HPSE2: variants seen among roughly 807,000 people sequenced by gnomAD.
HPSE2 encodes heparanase 2 (inactive).
In HPSE2, 38 loss-of-function variants were observed where a neutral mutation model predicts 60.5. That is an observed-to-expected ratio of 0.63 (90% CI 0.48 to 0.82). The LOEUF (loss-of-function observed/expected upper bound fraction) is 0.82. HPSE2 is among the 40% of genes least tolerant of loss of function. HPSE2 has a pLI of 0.00. For missense variants in HPSE2, 713 were observed against 740.4 expected (o/e 0.96, Z 0.43); for synonymous variants, 295 against 293.2 (o/e 1.01, Z -0.06).
intron 3 of HPSE2, among the ~76,000 whole-genome samples, chr10:98,836,021 G>A (rs1951782197): frequency 6.6e-6 from 1 of 152,068 alleles, no homozygotes; most frequent in Non-Finnish European, 1.5e-5. Flanking sequence ...GATCAAAAGG[G>A]GCCTAGTCAA....
At chr10:98,959,658 T>C (rs1190370486) in intron 3 of HPSE2, among the ~76,000 whole-genome samples, 1 of 152,124 alleles carries the variant, frequency 6.6e-6, no homozygotes, top group Non-Finnish European at 1.5e-5. Context: ...ATAAACTTCA[T>C]CTGCATTTGA....
intron 3 of HPSE2, among the ~76,000 whole-genome samples, chr10:98,991,477 T>C (rs1325138485): frequency 2.6e-5 from 4 of 151,460 alleles, no homozygotes; most frequent in Non-Finnish European, 5.9e-5. Flanking sequence ...AATAAGAGAG[T>C]AGGAGAAGAA....
chr10:99,081,738 G>A (rs1345132626), intron 3 of HPSE2, among the ~76,000 whole-genome samples: 2 of 151,900 alleles, frequency 1.3e-5, no homozygotes, highest in Non-Finnish European at 2.9e-5. Flanking sequence ...CCGGGTTCAC[G>A]CCATTCTCCT....
At chr10:99,128,718 A>G (rs1392388569) in intron 3 of HPSE2, among the ~76,000 whole-genome samples, 1 of 152,182 alleles carries the variant, frequency 6.6e-6, no homozygotes, top group Non-Finnish European at 1.5e-5. Context: ...TAGGAAAAAT[A>G]GCTAATGCAT....
chr10:98,492,750 T>C lies in HPSE2; in HGVS notation c.1321-2554A>G, dbSNP rs868257334. ...ACTCTAAAGATGTTTGGGATAGATA[T>C]ATAAAAGAAGTTGATAAGGTTAATT... On this transcript the variant is annotated intron_variant, in intron 9 of 11. Transcript: ENST00000370552. 1.1e-4 allele frequency among the ~76,000 whole-genome samples: 16 copies of C among 152,160 alleles called. No homozygotes were observed. The South Asian group carries it at 3.1e-3, about 30-fold the overall frequency.
rs970058258 is a variant in HPSE2, at chr10:98,645,716, A to C, written c.1005-3776T>G. ...GGGTATGGCCAGGCGTGGTGGCTCA[A>C]GCCTGTAATCCCAGCACTTTGGGAG... On this transcript the variant is annotated intron_variant, in intron 6 of 11. Coordinates refer to ENST00000370552, the MANE Select transcript of HPSE2 (RefSeq NM_021828.5). Among the ~76,000 whole-genome samples, 25 of 152,188 alleles carry C rather than the reference A, an allele frequency of 1.6e-4. No homozygotes were observed. In the East Asian group the frequency reaches 1.7e-3, roughly 11 times the overall value.
intron 2 of HPSE2, among the ~76,000 whole-genome samples, chr10:99,195,739 T>A (rs1350719629): frequency 2.6e-5 from 4 of 152,086 alleles, no homozygotes; most frequent in Non-Finnish European, 5.9e-5. Context: ...ATATTCCATG[T>A]TCATGCATTG....
chr10:99,059,139 C>T (rs2135518688), intron 3 of HPSE2, among the ~76,000 whole-genome samples: 1 of 152,134 alleles, frequency 6.6e-6, no homozygotes, highest in Non-Finnish European at 1.5e-5. Flanking sequence ...GTTTGCAGAC[C>T]ATACTAAAAC....
chr10:99,166,428 T>C (rs1847084688), intron 2 of HPSE2, among the ~76,000 whole-genome samples: 2 of 152,220 alleles, frequency 1.3e-5, no homozygotes, highest in South Asian at 4.1e-4. Context: ...TCACCAGCAT[T>C]GTATAAGAGT....
intron 3 of HPSE2, among the ~76,000 whole-genome samples, chr10:99,008,534 G>GC: frequency 6.6e-6 from 1 of 152,260 alleles, no homozygotes; most frequent in African/African-American, 2.4e-5. Flanking sequence ...TAATGTTTCT[G>GC]CCCCACTGGA....
At chr10:99,264,249 G>A in the HPSE2 span, among the ~76,000 whole-genome samples, 6 of 151,684 alleles carry the variant, frequency 4.0e-5, no homozygotes, top group East Asian at 1.9e-4. Context: ...CACCATGCCC[G>A]GCTAATTTTT....
chr10:98,895,331 C>A (rs983654225), intron 3 of HPSE2, among the ~76,000 whole-genome samples: 2 of 152,104 alleles, frequency 1.3e-5, no homozygotes, highest in Non-Finnish European at 2.9e-5. Context: ...CTTTTAAATT[C>A]ATTGCCTAAG....
At chr10:98,555,541 CTT>C (rs1464388332) in intron 9 of HPSE2, among the ~76,000 whole-genome samples, 1 of 152,344 alleles carries the variant, frequency 6.6e-6, no homozygotes, top group Non-Finnish European at 1.5e-5. Flanking sequence ...ATTAACACCT[CTT>C]GTCTTGCAGT....
At chr10:98,485,005 G>A (rs1296185094) in intron 10 of HPSE2, among the ~76,000 whole-genome samples, 1 of 152,166 alleles carries the variant, frequency 6.6e-6, no homozygotes, top group Non-Finnish European at 1.5e-5. Context: ...TTGCCCAGAG[G>A]AAAGCATCAT....
the HPSE2 span, among the ~76,000 whole-genome samples, chr10:99,298,707 G>A: frequency 2.0e-5 from 3 of 146,866 alleles, no homozygotes; most frequent in East Asian, 2.0e-4. Flanking sequence ...ACGGAGTCTC[G>A]CTCTGTCGCC....
intron 7 of HPSE2, among the ~76,000 whole-genome samples, chr10:98,630,138 C>T (rs1395945158): frequency 1.3e-5 from 2 of 151,554 alleles, no homozygotes; most frequent in African/African-American, 4.8e-5. Context: ...ACCTATGGTT[C>T]ACTACAAAGA....
At chr10:98,975,947 G>T (rs1437019824) in intron 3 of HPSE2, among the ~76,000 whole-genome samples, 1 of 152,112 alleles carries the variant, frequency 6.6e-6, no homozygotes, top group Non-Finnish European at 1.5e-5. Context: ...TTTAGAAATA[G>T]AATAGAACTA....
chr10:98,743,949 T>G lies in HPSE2; in HGVS notation c.718A>C (p.Ser240Arg). The G allele has an allele frequency of 6.2e-7, 1 of 1,614,090 alleles. No homozygotes were observed. Among genetic ancestry groups the G allele is most frequent in the Non-Finnish European group, 8.5e-7 (1 of 1,179,934 alleles). Residue 240 changes from serine (S) to arginine (R), a missense_variant, in exon 4 of 12, where the codon AGT (serine) becomes CGT (arginine). Physicochemically the swap from Ser to Arg is moderately radical, Grantham distance 110 (BLOSUM62 -1). Coordinates refer to ENST00000370552, the MANE Select transcript of HPSE2 (RefSeq NM_021828.5). ...RNPNNSWNSSSALSLLKYSAS... is the reference protein window; with the variant it reads ...RNPNNSWNSSRALSLLKYSAS... ...CTGTACTTCAACAGACTCAGGGCAC[T>G]AGAACTGTTCCAGGAGTTATTGGGA...
Position 98,459,578 on chromosome 10 carries a change from C to T in HPSE2, c.1775G>A (p.Arg592Gln), listed in dbSNP as rs763071665. The T allele has an allele frequency of 9.3e-6, 15 of 1,614,040 alleles. No homozygotes were observed. The highest frequency in any genetic ancestry group is 1.6e-4 in the Middle Eastern group (1 of 6,062). The change falls in exon 12 of 12, where the codon CGA (arginine) becomes CAA (glutamine). Residue 592 changes from arginine to glutamine, a missense_variant. Physicochemically the swap from Arg to Gln is conservative, Grantham distance 43. Coordinates refer to ENST00000370552, the MANE Select transcript of HPSE2 (RefSeq NM_021828.5). Reference sequence around the variant, plus strand: ...AGCCGTGAGTGTGAGGATAGCTTATCGGTAGCGGCAGGCCAAAGCATTGAC... The same window carrying T: ...AGCCGTGAGTGTGAGGATAGCTTATTGGTAGCGGCAGGCCAAAGCATTGAC... ...KNVNALACRYR is the reference protein window; with the variant it reads ...KNVNALACRYQ
Sources: allele counts gnomAD v4.1 joint callset (sites outside exome capture counted in the v4.1 genomes callset), GRCh38; gene constraint gnomAD v4.1.1; transcripts MANE v1.5; gene names NCBI Gene and HGNC (gene_info 2026-07-23, HGNC 2026-07-21).